Variants in FAM81A observed in about 807,000 individuals in gnomAD.
The protein encoded by FAM81A is protein FAM81A.
Under a neutral mutation model 46.7 loss-of-function variants are expected in FAM81A, and 19 were observed. The ratio of observed to expected loss-of-function variants is 0.41; its 90% confidence interval spans 0.28 to 0.60. FAM81A has a LOEUF of 0.60. Among genes scored for constraint, FAM81A ranks in the 20% least tolerant of loss-of-function variants. The pLI is 0.34. For missense variants in FAM81A, 377 were observed against 453.5 expected, an observed-to-expected ratio of 0.83 and a Z score of 1.53; for synonymous variants, 183 against 152.9, an observed-to-expected ratio of 1.20 and a Z score of -1.45.
At chr15:59,509,972 C>T (rs1460347460) in intron 6 of FAM81A, among the ~76,000 whole-genome samples, 1 of 151,976 alleles carries the variant, frequency 6.6e-6, no homozygotes, top group Non-Finnish European at 1.5e-5. Context: ...TAATGAGAAT[C>T]TTATGAGAGA....
chr15:59,421,317 A>G (rs2081169891), intron 2 of FAM81A, among the ~76,000 whole-genome samples: 1 of 152,074 alleles, frequency 6.6e-6, no homozygotes, highest in African/African-American at 2.4e-5. Context: ...GTAGATGTGG[A>G]CCCCATCACT....
intron 2 of FAM81A, among the ~76,000 whole-genome samples, chr15:59,422,508 G>A (rs376243018): frequency 1.3e-5 from 2 of 151,556 alleles, no homozygotes; most frequent in Admixed American, 6.6e-5. Flanking sequence ...GTGGAGTCTC[G>A]CTCTGTCACC....
intron 4 of FAM81A, among the ~76,000 whole-genome samples, chr15:59,497,477 A>G (rs1410988994): frequency 2.6e-5 from 4 of 152,172 alleles, no homozygotes; most frequent in African/African-American, 9.7e-5. Flanking sequence ...CAGTTTGTCA[A>G]TTTCTGCAAA....
At chr15:59,414,740 G>A (rs1327257992) in intron 2 of FAM81A, among the ~76,000 whole-genome samples, 2 of 152,182 alleles carry the variant, frequency 1.3e-5, no homozygotes, top group African/African-American at 4.8e-5. Context: ...CCAGCTCTAA[G>A]TAATCAATAT....
At chr15:59,476,494 T>C (rs1419873334) in intron 3 of FAM81A, among the ~76,000 whole-genome samples, 1 of 152,210 alleles carries the variant, frequency 6.6e-6, no homozygotes, top group Non-Finnish European at 1.5e-5. Flanking sequence ...ATATAAAAAT[T>C]GGCACCAGGC....
At chr15:59,479,067 A>G (rs1174525747) in intron 3 of FAM81A, among the ~76,000 whole-genome samples, 1 of 152,218 alleles carries the variant, frequency 6.6e-6, no homozygotes, top group African/African-American at 2.4e-5. Context: ...AGCTGCAGTA[A>G]TGGCCCAAGC....
At chr15:59,417,024 A>G (rs2081149516) in intron 2 of FAM81A, among the ~76,000 whole-genome samples, 1 of 152,014 alleles carries the variant, frequency 6.6e-6, no homozygotes, top group Non-Finnish European at 1.5e-5. Context: ...GCCCAGAATC[A>G]CTGAAGAGGA....
intron 4 of FAM81A, among the ~76,000 whole-genome samples, chr15:59,495,369 TTA>T (rs1279541365): frequency 6.6e-6 from 1 of 152,230 alleles, no homozygotes; most frequent in Non-Finnish European, 1.5e-5. Context: ...ACATTCCTTG[TTA>T]TGGCTGCATA....
chr15:59,503,894 G>T (rs2082122441), intron 4 of FAM81A, among the ~76,000 whole-genome samples: 1 of 152,122 alleles, frequency 6.6e-6, no homozygotes, highest in African/African-American at 2.4e-5. Flanking sequence ...TGTATTAATA[G>T]AAATTTATGT....
At chr15:59,424,752 CAA>C (rs1399492832) in intron 2 of FAM81A, among the ~76,000 whole-genome samples, 9 of 152,212 alleles carry the variant, frequency 5.9e-5, no homozygotes, top group Non-Finnish European at 1.3e-4. Context: ...GCATTCTAGT[CAA>C]AGTCAGTCCA....
At chr15:59,405,395 C>A (rs2140466295) in intron 2 of FAM81A, among the ~76,000 whole-genome samples, 1 of 152,236 alleles carries the variant, frequency 6.6e-6, no homozygotes, top group East Asian at 1.9e-4. Flanking sequence ...AATCCCAGCA[C>A]TTTAGGAGGC....
chr15:59,454,473 T>C (rs1252696217), intron 1 of FAM81A, among the ~76,000 whole-genome samples: 2 of 152,212 alleles, frequency 1.3e-5, no homozygotes, highest in African/African-American at 2.4e-5. Context: ...TATTCATCTC[T>C]ATGTATATCT....
chr15:59,490,071 C>G (rs1448079446), intron 3 of FAM81A, among the ~76,000 whole-genome samples: 1 of 151,576 alleles, frequency 6.6e-6, no homozygotes, highest in Admixed American at 6.6e-5. Context: ...ACGAGTTTAC[C>G]TATGTAAAAA....
rs1033893625 is a variant in FAM81A at position 59,502,330 on chromosome 15, C to T, written c.414-4883C>T. Among the ~76,000 whole-genome samples the T allele has an allele frequency of 4.6e-5, 7 of 151,604 alleles. No individual in the cohort carries two copies. The East Asian group carries it at 5.8e-4, about 13-fold the overall frequency. On this transcript the variant is annotated intron_variant, in intron 4 of 8. Transcript: ENST00000288228. ...TATATCTCCTAAAGCTATCCCTTCC[C>T]GCTCCCCCCCCAACAACAGTCCCCA...
intron 2 of FAM81A, among the ~76,000 whole-genome samples, chr15:59,421,794 C>CTATCTAT (rs1567039182): frequency 7.3e-5 from 10 of 137,176 alleles, no homozygotes; most frequent in African/African-American, 3.1e-4. Context: ...TATCTATCTA[C>CTATCTAT]CTACCTAACT....
At chr15:59,406,663 C>T (rs1487676630) in intron 2 of FAM81A, among the ~76,000 whole-genome samples, 1 of 152,160 alleles carries the variant, frequency 6.6e-6, no homozygotes, top group Admixed American at 6.5e-5. Flanking sequence ...CATACCCACT[C>T]CTACCCCCAG....
At chr15:59,509,820 G>A (rs1284190339) in intron 6 of FAM81A, among the ~76,000 whole-genome samples, 1 of 152,108 alleles carries the variant, frequency 6.6e-6, no homozygotes, top group African/African-American at 2.4e-5. Context: ...GAAAGATGGC[G>A]AGGGTGACTG....
chr15:59,497,587 G>A (rs1006722151), intron 4 of FAM81A, among the ~76,000 whole-genome samples: 3 of 152,194 alleles, frequency 2.0e-5, no homozygotes, highest in Admixed American at 1.3e-4. Flanking sequence ...TGGGTTCAGT[G>A]TCTCATGCCT....
At chr15:59,407,854 G>A (rs1315232810) in intron 2 of FAM81A, 5 of 223,896 alleles carry the variant, frequency 2.2e-5, no homozygotes, top group Non-Finnish European at 4.3e-5. Flanking sequence ...GTACTAGTGG[G>A]CCAGCTTATG....
Sources: allele counts gnomAD v4.1 joint callset (sites outside exome capture counted in the v4.1 genomes callset), GRCh38; gene constraint gnomAD v4.1.1; transcripts MANE v1.5; gene names NCBI Gene and HGNC (gene_info 2026-07-23, HGNC 2026-07-21).